The following SAMD5 variants were observed in gnomAD, a reference collection of about 807,000 sequenced individuals.
SAMD5 encodes the protein sterile alpha motif domain containing 5.
A neutral mutation model predicts 11.3 loss-of-function variants in SAMD5; 13 were observed. The ratio of observed to expected loss-of-function variants is 1.15; its 90% confidence interval spans 0.75 to 1.83. SAMD5 has a LOEUF of 1.83. Among genes scored for constraint, SAMD5 ranks in the 40% most tolerant of loss-of-function variants. The probability of loss-of-function intolerance (pLI) is 0.00; values close to 1 mark genes in which losing one functional copy is unlikely to be tolerated. For synonymous variants in SAMD5, 129 were observed against 111.3 expected (o/e 1.16, Z -1.00); for missense variants, 255 against 239.1 (o/e 1.07, Z -0.44).
chr6:147,860,969 T>C, the SAMD5 span, among the ~76,000 whole-genome samples: 1 of 152,060 alleles, frequency 6.6e-6, no homozygotes, highest in African/African-American at 2.4e-5. Context: ...AGAAAACATA[T>C]GTATAGTGAT....
At chr6:147,709,921 C>T (rs1375549792) in intron 1 of SAMD5, among the ~76,000 whole-genome samples, 3 of 152,190 alleles carry the variant, frequency 2.0e-5, no homozygotes, top group African/African-American at 7.2e-5. Flanking sequence ...TGTCTTGCCG[C>T]TTCTGCCTAA....
chr6:147,819,073 A>C, the SAMD5 span, among the ~76,000 whole-genome samples: 2 of 152,308 alleles, frequency 1.3e-5, no homozygotes, highest in African/African-American at 4.8e-5. Flanking sequence ...ACATGAAATC[A>C]ACCTAAATGC....
intron 1 of SAMD5, among the ~76,000 whole-genome samples, chr6:147,635,209 C>A (rs551048375): frequency 7.0e-6 from 1 of 142,888 alleles, no homozygotes. Context: ...CTACCCTCAT[C>A]GCCGTCATCA....
At chr6:147,625,702 G>A (rs999450765) in intron 1 of SAMD5, among the ~76,000 whole-genome samples, 4 of 152,100 alleles carry the variant, frequency 2.6e-5, no homozygotes, top group Non-Finnish European at 4.4e-5. Context: ...TTAGAGGGTC[G>A]TTAAAAGAAA....
chr6:147,839,637 C>A, the SAMD5 span, among the ~76,000 whole-genome samples: 1 of 152,138 alleles, frequency 6.6e-6, no homozygotes, highest in South Asian at 2.1e-4. Context: ...GTAATCCAAG[C>A]TACTCGGGAG....
At chr6:147,794,880 G>A in the SAMD5 span, among the ~76,000 whole-genome samples, 1 of 151,454 alleles carries the variant, frequency 6.6e-6, no homozygotes, top group Non-Finnish European at 1.5e-5. Context: ...AGCTTTGACG[G>A]CGGTGAAGAG....
At chr6:147,842,115 G>C in the SAMD5 span, among the ~76,000 whole-genome samples, 12 of 151,978 alleles carry the variant, frequency 7.9e-5, no homozygotes, top group Non-Finnish European at 1.5e-4. Context: ...CTCTGATACT[G>C]ATCAGTCAGC....
the SAMD5 span, among the ~76,000 whole-genome samples, chr6:147,842,561 A>C: frequency 6.6e-6 from 1 of 152,212 alleles, no homozygotes; most frequent in Middle Eastern, 3.4e-3. Flanking sequence ...ATACGAAATA[A>C]ATCAATTTCT....
At chr6:147,912,885 G>T in the SAMD5 span, among the ~76,000 whole-genome samples, 1 of 151,094 alleles carries the variant, frequency 6.6e-6, no homozygotes, top group Non-Finnish European at 1.5e-5. Context: ...ATGTACCTTT[G>T]CTTATTTTAC....
At chr6:147,789,280 C>A in the SAMD5 span, among the ~76,000 whole-genome samples, 88 of 66,510 alleles carry the variant, frequency 1.3e-3, no homozygotes, top group Non-Finnish European at 2.1e-3. Context: ...TCTAGAAAAA[C>A]ACACACACAC....
At chr6:147,700,612 G>C (rs117142637) in intron 1 of SAMD5, among the ~76,000 whole-genome samples, 5,772 of 152,266 alleles carry the variant, frequency 0.038, 159 homozygotes, top group Non-Finnish European at 0.057. Flanking sequence ...TTGTATAGCA[G>C]CAAACATCTG....
rs764320099 is a variant in SAMD5 at position 147,569,895 on chromosome 6, C to T, written c.*5439C>T. The stretch of plus-strand genomic sequence containing the variant: ...TTCAGTTATTATTTTTTTTAAAGGA[C>T]GTTATGAGAAGGCACTATGAAAAGC... On this transcript the variant is annotated 3_prime_UTR_variant, in exon 2 of 2. Coordinates refer to ENST00000367474, the MANE Select transcript of SAMD5 (RefSeq NM_001030060.3). 3.5e-5 allele frequency: 34 copies of T among 984,634 alleles called. No individual in the cohort carries two copies. Among genetic ancestry groups the T allele is most frequent in the East Asian group, 1.1e-4 (1 of 8,816 alleles). The allele number at this position is 984,634 out of a possible 1,614,324, so 61.0% of individuals were successfully genotyped here. A position where few individuals can be genotyped will look rare whatever the true frequency, so the allele number is the denominator to read the frequency against.
the SAMD5 span, among the ~76,000 whole-genome samples, chr6:147,791,758 T>G: frequency 6.6e-6 from 1 of 152,332 alleles, no homozygotes; most frequent in African/African-American, 2.4e-5. Flanking sequence ...GATTTCAATA[T>G]TTGGGATTAA....
chr6:147,675,405 A>G (rs1206785802), intron 1 of SAMD5, among the ~76,000 whole-genome samples: 1 of 152,180 alleles, frequency 6.6e-6, no homozygotes, highest in East Asian at 1.9e-4. Flanking sequence ...TGCCAAGTGA[A>G]TACCTCATAT....
At chr6:147,874,439 A>G in the SAMD5 span, among the ~76,000 whole-genome samples, 1 of 152,036 alleles carries the variant, frequency 6.6e-6, no homozygotes. Flanking sequence ...CCCATATTAA[A>G]TTGAAGCTTT....
the SAMD5 span, among the ~76,000 whole-genome samples, chr6:147,797,983 A>G: frequency 2.1e-4 from 32 of 151,440 alleles, no homozygotes; most frequent in Non-Finnish European, 2.1e-4. Context: ...TCTTGCTAGC[A>G]GTCTATCAAT....
intron 1 of SAMD5, among the ~76,000 whole-genome samples, chr6:147,637,325 C>T (rs1452473813): frequency 6.6e-6 from 1 of 152,198 alleles, no homozygotes; most frequent in African/African-American, 2.4e-5. Flanking sequence ...ATGGAATAAG[C>T]TCATTTCAGC....
chr6:147,576,235 GGT>G (rs1789215184), intron 1 of SAMD5, among the ~76,000 whole-genome samples: 1 of 151,810 alleles, frequency 6.6e-6, no homozygotes, highest in Non-Finnish European at 1.5e-5. Context: ...CTACCTCCCG[GGT>G]TCAAGCAATT....
At chr6:147,556,805 T>A (rs1022853205) in intron 1 of SAMD5, among the ~76,000 whole-genome samples, 20 of 152,212 alleles carry the variant, frequency 1.3e-4, no homozygotes, top group African/African-American at 4.6e-4. Flanking sequence ...TATTTTCAAT[T>A]TTAATTTATC....
Sources: gnomAD v4.1 joint callset for allele counts (sites outside exome capture counted in the v4.1 genomes callset) on GRCh38, gnomAD v4.1.1 for gene constraint, MANE v1.5 for transcripts, NCBI Gene and HGNC (gene_info 2026-07-23, HGNC 2026-07-21) for gene names.